Variants in DLG2 observed in about 807,000 individuals in gnomAD.
DLG2 encodes discs large MAGUK scaffold protein 2, also known as disks large homolog 2.
In DLG2, 45 loss-of-function variants were observed where a neutral mutation model predicts 132.5. The observed-to-expected ratio is 0.34, with a 90% CI of 0.27 to 0.44. The LOEUF (loss-of-function observed/expected upper bound fraction) is 0.44. DLG2 is among the 20% of genes least tolerant of loss of function. The pLI, the probability that DLG2 is intolerant of heterozygous loss-of-function variation, is 1.00. For missense variants in DLG2, 1,045 were observed against 1,196.9 expected, an observed-to-expected ratio of 0.87 and a Z score of 1.87; for synonymous variants, 424 against 419.6, an observed-to-expected ratio of 1.01 and a Z score of -0.13.
At chr11:84,730,144 A>G (rs1433663205) in intron 6 of DLG2, among the ~76,000 whole-genome samples, 2 of 152,000 alleles carry the variant, frequency 1.3e-5, no homozygotes, top group East Asian at 3.9e-4. Flanking sequence ...TTGTTCACCA[A>G]ATTTGATGTC....
At chr11:83,987,504 G>C (rs2093413004) in intron 11 of DLG2, among the ~76,000 whole-genome samples, 1 of 152,074 alleles carries the variant, frequency 6.6e-6, no homozygotes, top group African/African-American at 2.4e-5. Flanking sequence ...CAGAGATATA[G>C]ATCAATGGAA....
chr11:83,907,493 T>C (rs1488846476), intron 15 of DLG2, among the ~76,000 whole-genome samples: 1 of 152,112 alleles, frequency 6.6e-6, no homozygotes, highest in East Asian at 1.9e-4. Context: ...AATATCCAGA[T>C]ACCCTCTCTA....
At chr11:85,504,509 T>C (rs1344850815) in intron 3 of DLG2, among the ~76,000 whole-genome samples, 3 of 152,246 alleles carry the variant, frequency 2.0e-5, no homozygotes, top group Non-Finnish European at 2.9e-5. Flanking sequence ...GTTTATCAAA[T>C]ATCAGATGGT....
intron 8 of DLG2, among the ~76,000 whole-genome samples, chr11:84,191,331 T>C (rs1364569113): frequency 6.6e-6 from 1 of 152,206 alleles, no homozygotes. Context: ...TCAAATGGAC[T>C]TAGTCTTTCC....
chr11:84,268,166 A>C (rs1036001097), intron 7 of DLG2, among the ~76,000 whole-genome samples: 3 of 151,696 alleles, frequency 2.0e-5, no homozygotes, highest in African/African-American at 7.3e-5. Context: ...CATCTTGTAA[A>C]CCCCTGTTTT....
chr11:84,481,678 T>C (rs2099138109), intron 7 of DLG2, among the ~76,000 whole-genome samples: 1 of 152,174 alleles, frequency 6.6e-6, no homozygotes, highest in Non-Finnish European at 1.5e-5. Context: ...CAACTCTGGC[T>C]TTGTTTCTAG....
At chr11:85,368,257 T>C (rs1254657350) in intron 3 of DLG2, among the ~76,000 whole-genome samples, 1 of 152,242 alleles carries the variant, frequency 6.6e-6, no homozygotes, top group Admixed American at 6.5e-5. Context: ...CCATATTCTT[T>C]AATTCAGCTA....
chr11:84,363,969 C>T (rs1415312266), intron 7 of DLG2, among the ~76,000 whole-genome samples: 1 of 152,050 alleles, frequency 6.6e-6, no homozygotes, highest in East Asian at 1.9e-4. Context: ...GTTCTTTAGG[C>T]TTAGGATTGA....
intron 6 of DLG2, among the ~76,000 whole-genome samples, chr11:85,030,390 T>C (rs1428599320): frequency 6.6e-6 from 1 of 152,216 alleles, no homozygotes; most frequent in Non-Finnish European, 1.5e-5. Flanking sequence ...GCTTTTTCTA[T>C]AGTGTCACCT....
intron 16 of DLG2, among the ~76,000 whole-genome samples, chr11:83,849,388 GAGC>G (rs2059246134): frequency 6.6e-6 from 1 of 150,716 alleles, no homozygotes; most frequent in African/African-American, 2.4e-5. Flanking sequence ...AATGTTTATC[GAGC>G]ATAAACATTT....
intron 6 of DLG2, among the ~76,000 whole-genome samples, chr11:84,917,925 G>A (rs2092566572): frequency 6.6e-6 from 1 of 152,094 alleles, no homozygotes; most frequent in Admixed American, 6.5e-5. Context: ...AACCCTAAGA[G>A]GTACCATCTC....
intron 7 of DLG2, among the ~76,000 whole-genome samples, chr11:84,408,037 T>C (rs1487819647): frequency 6.6e-6 from 1 of 152,162 alleles, no homozygotes; most frequent in East Asian, 1.9e-4. Flanking sequence ...TGTGAAGAAC[T>C]AGGAGGAGAC....
chr11:84,101,490 G>A (rs1158573459), intron 9 of DLG2, among the ~76,000 whole-genome samples: 1 of 152,062 alleles, frequency 6.6e-6, no homozygotes, highest in Non-Finnish European at 1.5e-5. Context: ...CAGAGGTTAA[G>A]GCCAGATGGT....
chr11:83,840,663 T>C (rs2057337008), intron 16 of DLG2, among the ~76,000 whole-genome samples: 1 of 152,214 alleles, frequency 6.6e-6, no homozygotes, highest in Non-Finnish European at 1.5e-5. Flanking sequence ...TTTATATAAA[T>C]TTCCCAGAAT....
intron 8 of DLG2, among the ~76,000 whole-genome samples, chr11:84,223,782 C>T (rs1028275910): frequency 6.6e-6 from 1 of 152,184 alleles, no homozygotes; most frequent in Non-Finnish European, 1.5e-5. Context: ...GCCTCAAACT[C>T]CTGACCTCAG....
intron 7 of DLG2, among the ~76,000 whole-genome samples, chr11:84,407,369 CT>C (rs897729179): frequency 1.3e-5 from 2 of 152,238 alleles, no homozygotes; most frequent in South Asian, 2.1e-4. Context: ...CTTTTGTTGC[CT>C]TTCACGGCCT....
At chr11:85,525,872 T>G (rs2074703333) in intron 3 of DLG2, among the ~76,000 whole-genome samples, 1 of 151,794 alleles carries the variant, frequency 6.6e-6, no homozygotes, top group Non-Finnish European at 1.5e-5. Context: ...ACAGGAGAGA[T>G]CTCAGAGAGT....
intron 17 of DLG2, among the ~76,000 whole-genome samples, chr11:83,807,746 T>C (rs1594740670): frequency 6.6e-6 from 1 of 152,284 alleles, no homozygotes; most frequent in East Asian, 1.9e-4. Flanking sequence ...CAAGAGGGTA[T>C]TGTGTTAGGC....
At chr11:85,122,978 T>TATATATATATA (rs61472098) in intron 5 of DLG2, among the ~76,000 whole-genome samples, 1 of 47,350 alleles carries the variant, frequency 2.1e-5, no homozygotes, top group Non-Finnish European at 3.6e-5. Context: ...TATTTTTTTT[T>TATATATATATA]TTTTTTTTTT....
Sources: allele counts gnomAD v4.1 joint callset (sites outside exome capture counted in the v4.1 genomes callset), GRCh38; gene constraint gnomAD v4.1.1; transcripts MANE v1.5; gene names NCBI Gene and HGNC (gene_info 2026-07-23, HGNC 2026-07-21).